The following ATP2B2 variants were observed in gnomAD, a reference collection of about 807,000 sequenced individuals.
ATP2B2 encodes the protein ATPase plasma membrane Ca2+ transporting 2.
Under a neutral mutation model 120.0 loss-of-function variants are expected in ATP2B2, and 15 were observed. The observed-to-expected ratio is 0.12, with a 90% CI of 0.08 to 0.19. ATP2B2 has a LOEUF of 0.19. Ranked by LOEUF, ATP2B2 falls within the 10% of genes least tolerant of loss-of-function variation. The probability of loss-of-function intolerance (pLI) is 1.00; values close to 1 mark genes in which losing one functional copy is unlikely to be tolerated. For synonymous variants in ATP2B2, 694 were observed against 700.3 expected, an observed-to-expected ratio of 0.99 and a Z score of 0.14; for missense variants, 1,045 against 1,719.8, an observed-to-expected ratio of 0.61 and a Z score of 6.94.
At chr3:10,437,804 T>C (rs1009927688) in intron 2 of ATP2B2, among the ~76,000 whole-genome samples, 3 of 152,164 alleles carry the variant, frequency 2.0e-5, no homozygotes, top group African/African-American at 7.2e-5. Flanking sequence ...ACACTGCAGA[T>C]ACTAAATTAA....
upstream of ATP2B2, among the ~76,000 whole-genome samples, chr3:10,509,282 G>C (rs2066712131): frequency 6.6e-6 from 1 of 152,186 alleles, no homozygotes; most frequent in African/African-American, 2.4e-5. Flanking sequence ...GGGAAGCATG[G>C]ATGAGGGCTA....
intron 1 of ATP2B2, among the ~76,000 whole-genome samples, chr3:10,624,740 G>A (rs1239145415): frequency 2.6e-5 from 4 of 152,230 alleles, no homozygotes; most frequent in African/African-American, 9.6e-5. Context: ...ATGCATGAAT[G>A]AATGAGTTGT....
rs760682350 is a variant in ATP2B2 at position 10,631,825 on chromosome 3, G to A, written c.-459-11864C>T. On this transcript the variant is annotated intron_variant, in intron 1 of 21. Transcript: ENST00000646379. ...AAAATCAGAGCAACATTTGGAAAGTGCCAGAAGATTTAACATAGCTTGCTG... is the reference window on the plus strand; with the variant it reads ...AAAATCAGAGCAACATTTGGAAAGTACCAGAAGATTTAACATAGCTTGCTG... 1.9e-4 allele frequency among the ~76,000 whole-genome samples: 29 copies of A among 152,334 alleles called. No individual in the cohort carries two copies. In the Middle Eastern group the frequency reaches 0.01, roughly 54 times the overall value.
At chr3:10,497,404 C>T (rs993924618) in intron 1 of ATP2B2, among the ~76,000 whole-genome samples, 1 of 152,236 alleles carries the variant, frequency 6.6e-6, no homozygotes. Context: ...GTTTTCTCAG[C>T]TATAAAGCAA....
At chr3:10,647,010 T>C (rs1470472307) in intron 1 of ATP2B2, among the ~76,000 whole-genome samples, 1 of 152,030 alleles carries the variant, frequency 6.6e-6, no homozygotes, top group Non-Finnish European at 1.5e-5. Context: ...AATGATGGAC[T>C]ACAAAGGGAA....
intron 3 of ATP2B2, among the ~76,000 whole-genome samples, chr3:10,406,414 A>G (rs1376228703): frequency 4.6e-5 from 7 of 152,240 alleles, no homozygotes; most frequent in African/African-American, 1.7e-4. Context: ...CGTTTCTGTC[A>G]GTGACAGACT....
At chr3:10,603,948 CCT>C (rs2068993260) in intron 2 of ATP2B2, among the ~76,000 whole-genome samples, 1 of 152,284 alleles carries the variant, frequency 6.6e-6, no homozygotes, top group African/African-American at 2.4e-5. Context: ...CCCTCCCTCC[CCT>C]GAGAGATATA....
chr3:10,376,430 CT>C (rs35421411), intron 10 of ATP2B2, among the ~76,000 whole-genome samples: 1 of 151,902 alleles, frequency 6.6e-6, no homozygotes, highest in Non-Finnish European at 1.5e-5. Flanking sequence ...CAGCAGGTGG[CT>C]TTTTTTTGGA....
rs888837694 is a variant in ATP2B2, at chr3:10,338,426, C to T, written c.3238-68G>A. 86 of 1,560,582 alleles carry T rather than the reference C, an allele frequency of 5.5e-5. 1 individual carries two copies. The highest frequency in any genetic ancestry group is 2.1e-4 in the South Asian group (19 of 89,792). ...CCAGTGGCCTTCTCTCCCTGACACC[C>T]GCTCCTCTACCTCCCTCCTCCTACC... On this transcript the variant is annotated intron_variant, in intron 21 of 22. Coordinates refer to ENST00000360273, the MANE Select transcript of ATP2B2 (RefSeq NM_001001331.4).
chr3:10,453,380 T>C (rs2064134738), intron 1 of ATP2B2, among the ~76,000 whole-genome samples: 1 of 152,180 alleles, frequency 6.6e-6, no homozygotes, highest in Admixed American at 6.5e-5. Context: ...ATAAAAGCGC[T>C]TTATGAGACC....
At chr3:10,536,343 T>G (rs1468991359) in intron 2 of ATP2B2, among the ~76,000 whole-genome samples, 2 of 151,258 alleles carry the variant, frequency 1.3e-5, no homozygotes, top group African/African-American at 4.9e-5. Flanking sequence ...TTTTTTTTTT[T>G]TTGTCTTTTT....
intron 1 of ATP2B2, among the ~76,000 whole-genome samples, chr3:10,665,562 C>T (rs2070908502): frequency 6.6e-6 from 1 of 152,054 alleles, no homozygotes; most frequent in Non-Finnish European, 1.5e-5. Context: ...ACCCCCAGCA[C>T]ATTCACAGTG....
chr3:10,614,382 C>T (rs181356519), intron 2 of ATP2B2, among the ~76,000 whole-genome samples: 2 of 152,118 alleles, frequency 1.3e-5, no homozygotes, highest in Admixed American at 1.3e-4. Context: ...GATTTATTTA[C>T]ACAGATGTGG....
In ATP2B2 at chr3:10,343,693, G is replaced by A. The variant is rs2060350063; in HGVS notation, c.2704-728C>T. ...AGCAGCCAGACTTTGGCCCCTCCAC[G>A]TTCCCAGAATGCCCTCCGCCCACGT... On this transcript the variant is annotated intron_variant, in intron 18 of 22. Coordinates refer to ENST00000360273, the MANE Select transcript of ATP2B2 (RefSeq NM_001001331.4). The surrounding 1 kb of genome is among the most constrained non-coding windows in gnomAD (Gnocchi z 4.2). Among the ~76,000 whole-genome samples, 2 of 151,860 alleles carry A rather than the reference G, an allele frequency of 1.3e-5. No individual in the cohort carries two copies. Among genetic ancestry groups the A allele is most frequent in the Admixed American group, 6.6e-5 (1 of 15,254 alleles).
At position 10,378,544 on chromosome 3, in the gene ATP2B2, G is replaced by A. The variant is rs564553739; in HGVS notation, c.1043-134C>T. 10 of 1,216,422 alleles carry A rather than the reference G, an allele frequency of 8.2e-6. No homozygotes were observed. The African/African-American group carries it at 1.0e-4, about 13-fold the overall frequency. The allele number at this position is 1,216,422 out of a possible 1,614,324, so 75.4% of individuals were successfully genotyped here. A position where few individuals can be genotyped will look rare whatever the true frequency, so the allele number is the denominator to read the frequency against. ...GTGCTGACTGCCTGGACTGAGCCCCGCATGGCTGGTGCAGAAGTCCTGTGA... is the reference window on the plus strand; with the variant it reads ...GTGCTGACTGCCTGGACTGAGCCCCACATGGCTGGTGCAGAAGTCCTGTGA... On this transcript the variant is annotated intron_variant, in intron 9 of 22. Coordinates refer to ENST00000360273, the MANE Select transcript of ATP2B2 (RefSeq NM_001001331.4).
chr3:10,516,017 A>C (rs1021229078), intron 3 of ATP2B2, among the ~76,000 whole-genome samples: 14 of 152,068 alleles, frequency 9.2e-5, no homozygotes, highest in African/African-American at 3.4e-4. Context: ...GTGATCTCAT[A>C]TTGGCAGCTT....
At chr3:10,644,734 G>A (rs2125656369) in intron 1 of ATP2B2, among the ~76,000 whole-genome samples, 1 of 152,332 alleles carries the variant, frequency 6.6e-6, no homozygotes, top group South Asian at 2.1e-4. Flanking sequence ...GTTGCCAGGA[G>A]CTGGAGGGAG....
intron 5 of ATP2B2, among the ~76,000 whole-genome samples, chr3:10,396,560 G>A (rs1015333817): frequency 5.3e-5 from 8 of 152,228 alleles, no homozygotes; most frequent in East Asian, 1.9e-4. Context: ...AGGCCTCCCC[G>A]CTGATGTAAA....
At chr3:10,586,320 A>C (rs2068509406) in intron 2 of ATP2B2, among the ~76,000 whole-genome samples, 2 of 152,216 alleles carry the variant, frequency 1.3e-5, no homozygotes, top group South Asian at 4.1e-4. Flanking sequence ...GGACCCTGCC[A>C]GCACCTGAGG....
Sources: allele counts gnomAD v4.1 joint callset (sites outside exome capture counted in the v4.1 genomes callset), GRCh38; gene constraint gnomAD v4.1.1; non-coding constraint Gnocchi (gnomAD v3.1); transcripts MANE v1.5; gene names NCBI Gene and HGNC (gene_info 2026-07-23, HGNC 2026-07-21).